SLC25A27: variants seen among roughly 807,000 people sequenced by gnomAD.
SLC25A27 encodes the protein mitochondrial uncoupling protein 4.
SLC25A27 carries 35 observed loss-of-function variants against 49.1 expected under a neutral mutation model. The ratio of observed to expected loss-of-function variants is 0.71; its 90% CI spans 0.54 to 0.95. The LOEUF (loss-of-function observed/expected upper bound fraction) is 0.95. Ranked by LOEUF, SLC25A27 falls within the 40% of genes least tolerant of loss-of-function variation. The probability of loss-of-function intolerance (pLI) is 0.00; values close to 1 mark genes in which losing one functional copy is unlikely to be tolerated. For missense variants in SLC25A27, 339 were observed against 397.1 expected, an observed-to-expected ratio of 0.85 and a Z score of 1.24; for synonymous variants, 144 against 136.9, an observed-to-expected ratio of 1.05 and a Z score of -0.36.
At chr6:46,671,061 A>G (rs959585664) in intron 7 of SLC25A27, 65 bp from the exon 8 acceptor site, 13 of 1,132,326 alleles carry the variant, frequency 1.1e-5, no homozygotes, top group South Asian at 9.6e-5. Context: ...TCCTTAGACA[A>G]TTTTTATGTA....
intron 3 of SLC25A27, among the ~76,000 whole-genome samples, chr6:46,659,314 A>G (rs1276915713): frequency 2.0e-5 from 3 of 152,136 alleles, no homozygotes; most frequent in Admixed American, 6.5e-5. Context: ...TCTTTTTATT[A>G]AGAACTCTCG....
At chr6:46,664,922 A>T (rs780508138) in intron 5 of SLC25A27, 36 bp downstream of exon 5, 2 of 1,087,806 alleles carry the variant, frequency 1.8e-6, no homozygotes, top group Admixed American at 4.5e-5. Flanking sequence ...AAAAGTCCTA[A>T]TTGCCTTAAT....
chr6:46,658,126 C>A (rs1163693007), intron 2 of SLC25A27, among the ~76,000 whole-genome samples: 1 of 152,154 alleles, frequency 6.6e-6, no homozygotes, highest in Non-Finnish European at 1.5e-5. Flanking sequence ...CTAAAATTTG[C>A]TGGCTTAATA....
At chr6:46,662,267 T>C (rs1763186046) in intron 3 of SLC25A27, 109 bp from the exon 4 acceptor site, 1 of 923,656 alleles carries the variant, frequency 1.1e-6, no homozygotes, top group Admixed American at 2.5e-5. Flanking sequence ...TCCTTTTCTT[T>C]ACTTGATCTG....
intron 5 of SLC25A27, among the ~76,000 whole-genome samples, chr6:46,666,471 G>T (rs1245903477): frequency 3.3e-5 from 5 of 152,308 alleles, no homozygotes; most frequent in African/African-American, 1.2e-4. Context: ...GAGGGTTCTA[G>T]AAATATAGCA....
At chr6:46,654,654 C>T (rs1762911448) in intron 1 of SLC25A27, among the ~76,000 whole-genome samples, 1 of 151,934 alleles carries the variant, frequency 6.6e-6, no homozygotes, top group Non-Finnish European at 1.5e-5. Context: ...AACAAACCAG[C>T]GAGAAAACAA....
chr6:46,653,171 T>A lies in SLC25A27; in HGVS notation c.-22T>A. ...AGCGCAGCGGCGAGAAGGAGTGCGT[T>A]ATCGTCTTGCGCTACTGCTGAATGT... On this transcript the variant is annotated 5_prime_UTR_variant, in exon 1 of 9. Transcript: ENST00000371347. 6.2e-7 allele frequency: 1 copy of A among 1,605,314 alleles called. No individual in the cohort carries two copies. The highest frequency in any genetic ancestry group is 8.5e-7 in the Non-Finnish European group (1 of 1,173,890).
At chr6:46,660,538 A>G (rs1763130981) in intron 3 of SLC25A27, among the ~76,000 whole-genome samples, 1 of 152,170 alleles carries the variant, frequency 6.6e-6, no homozygotes, top group African/African-American at 2.4e-5. Flanking sequence ...AAAGATATTG[A>G]CTGTAGCAGT....
At chr6:46,654,503 C>A (rs1762902713) in intron 1 of SLC25A27, among the ~76,000 whole-genome samples, 1 of 152,104 alleles carries the variant, frequency 6.6e-6, no homozygotes, top group South Asian at 2.1e-4. Flanking sequence ...ATTGATGTGT[C>A]CCCCTCTGAC....
At chr6:46,661,513 C>T (rs1220698239) in intron 3 of SLC25A27, among the ~76,000 whole-genome samples, 1 of 152,212 alleles carries the variant, frequency 6.6e-6, no homozygotes, top group Non-Finnish European at 1.5e-5. Flanking sequence ...CAGTGCAGAA[C>T]ACTGTACAAC....
chr6:46,675,500 AG>A (rs1472461488), intron 8 of SLC25A27, among the ~76,000 whole-genome samples: 4 of 152,216 alleles, frequency 2.6e-5, no homozygotes, highest in Non-Finnish European at 5.9e-5. Context: ...TAGCATGCTC[AG>A]TATTTCCAAA....
In SLC25A27 at chr6:46,664,841, G is replaced by C. The variant is rs1312325040; in HGVS notation, c.574G>C (p.Gly192Arg). Residue 192 changes from glycine (G) to arginine (R), a missense_variant, in exon 5 of 9, where the codon GGC (glycine) becomes CGC (arginine). Transcript: ENST00000371347. ...AGGAGGAATACGAGGGCTTTGGGCA[G>C]GCTGGGTACCCAATATACAAAGAGC... is the stretch of plus-strand genomic sequence containing the variant. ...AEGGIRGLWA[G>R]WVPNIQRAAL... The C allele has an allele frequency of 6.2e-7, 1 of 1,608,352 alleles. No homozygotes were observed.
At chr6:46,673,688 G>A (rs1013012530) in intron 8 of SLC25A27, among the ~76,000 whole-genome samples, 3 of 152,302 alleles carry the variant, frequency 2.0e-5, no homozygotes, top group Non-Finnish European at 2.9e-5. Context: ...TAGGGGAGGT[G>A]GTAGGAGATA....
rs1287032618 is a variant in SLC25A27 at position 46,653,131 on chromosome 6, G to A, written c.-62G>A. 5 of 1,510,580 alleles carry A rather than the reference G, an allele frequency of 3.3e-6. No individual in the cohort carries two copies. Among genetic ancestry groups the A allele is most frequent in the Non-Finnish European group, 4.6e-6 (5 of 1,098,114 alleles). 93.6% of individuals were successfully genotyped at this position (1,510,580 alleles called of 1,614,324 possible). A position where few individuals can be genotyped will look rare whatever the true frequency, so the allele number is the denominator to read the frequency against. ...GGGCCGCCCTGGCAGGGAAGCGGCC[G>A]CCGCGGCGCGGTGCAGCGCAGCGGC... On this transcript the variant is annotated 5_prime_UTR_variant, in exon 1 of 9. Coordinates refer to ENST00000371347, the MANE Select transcript of SLC25A27 (RefSeq NM_004277.5).
chr6:46,676,595 T>C lies in SLC25A27; in HGVS notation c.*141T>C, dbSNP rs1763800757. ...GACTGATTTATAGGGGGCAGCACTT[T>C]ATTTTTTTCTGGAAACCCAAGTTCT... On this transcript the variant is annotated 3_prime_UTR_variant, in exon 9 of 9. Coordinates refer to ENST00000371347, the MANE Select transcript of SLC25A27 (RefSeq NM_004277.5). 4 of 1,558,646 alleles carry C rather than the reference T, an allele frequency of 2.6e-6. No individual in the cohort carries two copies. The highest frequency in any genetic ancestry group is 3.5e-6 in the Non-Finnish European group (4 of 1,150,366).
chr6:46,674,284 C>G (rs149269888), intron 8 of SLC25A27, among the ~76,000 whole-genome samples: 281 of 152,186 alleles, frequency 1.8e-3, no homozygotes, highest in African/African-American at 6.6e-3. Flanking sequence ...CAGTATTATC[C>G]TCATTTTTCA....
At position 46,666,181 on chromosome 6, in the gene SLC25A27, T is replaced by C. The variant is rs527396943; in HGVS notation, c.619+1295T>C. Among the ~76,000 whole-genome samples the C allele has an allele frequency of 1.2e-4, 19 of 152,342 alleles. 1 individual carries two copies. The highest frequency in any genetic ancestry group is 1.0e-3 in the Admixed American group (16 of 15,302). On this transcript the variant is annotated intron_variant, in intron 5 of 8. Coordinates refer to ENST00000371347, the MANE Select transcript of SLC25A27 (RefSeq NM_004277.5). ...GTCTTCTTCACCAATATATTTTTCC[T>C]GAACCTGCCACAATCCCTTCCCCCA...
intron 1 of SLC25A27, 82 bp downstream of exon 1, chr6:46,653,380 C>T: frequency 2.7e-6 from 4 of 1,483,384 alleles, no homozygotes; most frequent in Non-Finnish European, 3.6e-6. Flanking sequence ...GCTTCGCGCC[C>T]GGCAGTGCGC....
intron 8 of SLC25A27, among the ~76,000 whole-genome samples, chr6:46,675,180 T>A (rs1256629413): frequency 1.3e-5 from 2 of 152,190 alleles, no homozygotes; most frequent in African/African-American, 4.8e-5. Flanking sequence ...GTAGAGGTAC[T>A]ATGACCTTGC....
Sources: gnomAD v4.1 joint callset for allele counts (sites outside exome capture counted in the v4.1 genomes callset) on GRCh38, gnomAD v4.1.1 for gene constraint, MANE v1.5 for transcripts, NCBI Gene and HGNC (gene_info 2026-07-23, HGNC 2026-07-21) for gene names.